Variants in SLC37A1 observed in about 807,000 individuals in gnomAD.
SLC37A1 encodes glucose-6-phosphate exchanger SLC37A1.
In SLC37A1, 49 loss-of-function variants were observed where a neutral mutation model predicts 75.3. The ratio of observed to expected loss-of-function variants is 0.65; its 90% confidence interval spans 0.52 to 0.83. The LOEUF (loss-of-function observed/expected upper bound fraction) is 0.83, where lower values mean the gene tolerates loss of function less well. Among genes scored for constraint, SLC37A1 ranks in the 40% least tolerant of loss-of-function variants. The pLI is 0.00. For missense variants in SLC37A1, 566 were observed against 695.0 expected (o/e 0.81, Z 2.09); for synonymous variants, 268 against 292.1 (o/e 0.92, Z 0.84).
At chr21:42,562,051 G>GAGAC (rs920746363) in intron 11 of SLC37A1, 27 bp from the exon 12 acceptor site, 2 of 1,592,686 alleles carry the variant, frequency 1.3e-6, no homozygotes, top group African/African-American at 2.7e-5. Flanking sequence ...ACATTTGGAG[G>GAGAC]AGACGCCTGA....
intron 13 of SLC37A1, 52 bp from the exon 14 acceptor site, chr21:42,564,656 G>A (rs375113506): frequency 3.3e-5 from 48 of 1,471,238 alleles, no homozygotes; most frequent in African/African-American, 8.3e-5. Flanking sequence ...CTTCCTCCCC[G>A]TGGGCTCATG....
At chr21:42,579,347 C>T (rs1390650531) in intron 18 of SLC37A1, among the ~76,000 whole-genome samples, 1 of 152,218 alleles carries the variant, frequency 6.6e-6, no homozygotes, top group Non-Finnish European at 1.5e-5. Flanking sequence ...CACTGGGCCA[C>T]CCGCATTATG....
chr21:42,525,642 A>G (rs2054770506), intron 2 of SLC37A1, 134 bp from the exon 3 acceptor site: 2 of 642,440 alleles, frequency 3.1e-6, no homozygotes, highest in South Asian at 1.9e-5. Flanking sequence ...ATAGTGACAT[A>G]AGTAATATTG....
chr21:42,544,705 T>C (rs887909527), intron 8 of SLC37A1, among the ~76,000 whole-genome samples: 5 of 152,210 alleles, frequency 3.3e-5, no homozygotes, highest in African/African-American at 1.2e-4. Context: ...TCTGGATCCC[T>C]CCCAGTGGGC....
chr21:42,561,748 T>A (rs1442171745), intron 11 of SLC37A1: 3 of 263,940 alleles, frequency 1.1e-5, no homozygotes, highest in South Asian at 1.1e-4. Flanking sequence ...CAGGGCTTCC[T>A]GTCTTCACTT....
Position 42,543,450 on chromosome 21 carries a change from T to TG in SLC37A1, c.583dup (p.Val195GlyfsTer49). The TG allele has an allele frequency of 6.2e-7, 1 of 1,614,178 alleles. No homozygotes were observed. Among genetic ancestry groups the TG allele is most frequent in the Non-Finnish European group, 8.5e-7 (1 of 1,180,026 alleles). ...TTGTGCTGCAGGAGAGGTTTGATTATGGGGGTCTGGAACTCCCACACCTCC... is the reference window on the plus strand; with the variant it reads ...TTGTGCTGCAGGAGAGGTTTGATTATGGGGGGTCTGGAACTCCCACACCTCC... On this transcript the variant is annotated frameshift_variant, in exon 8 of 20. Coordinates refer to ENST00000352133, the MANE Select transcript of SLC37A1 (RefSeq NM_001320537.2). LOFTEE classifies it high-confidence loss of function.
chr21:42,549,720 C>T (rs1467704582), intron 9 of SLC37A1, among the ~76,000 whole-genome samples: 2 of 152,174 alleles, frequency 1.3e-5, no homozygotes, highest in African/African-American at 4.8e-5. Flanking sequence ...AGTATCTTCC[C>T]TTTATCACAA....
chr21:42,562,654 C>T (rs767628726), intron 12 of SLC37A1, among the ~76,000 whole-genome samples: 1 of 126,772 alleles, frequency 7.9e-6, no homozygotes, highest in Admixed American at 8.3e-5. Flanking sequence ...TATCAGAAAA[C>T]GTGCCAGTGA....
intron 17 of SLC37A1, among the ~76,000 whole-genome samples, chr21:42,571,341 C>G (rs551651855): frequency 8.5e-5 from 13 of 152,222 alleles, no homozygotes; most frequent in Non-Finnish European, 1.6e-4. Flanking sequence ...ACACGGTGTG[C>G]GCCTGGGGCG....
chr21:42,512,516 C>T (rs1364972701), upstream of SLC37A1, among the ~76,000 whole-genome samples: 1 of 152,076 alleles, frequency 6.6e-6, no homozygotes, highest in Non-Finnish European at 1.5e-5. Flanking sequence ...GCTGGGGAGA[C>T]CATTGGAGAG....
chr21:42,550,520 A>G (rs1013608394), intron 9 of SLC37A1, among the ~76,000 whole-genome samples: 10 of 152,254 alleles, frequency 6.6e-5, no homozygotes, highest in African/African-American at 2.2e-4. Context: ...TCTGCCAAAC[A>G]TGGAAAGAAG....
chr21:42,553,330 C>A (rs2055602405), intron 9 of SLC37A1, among the ~76,000 whole-genome samples: 1 of 152,194 alleles, frequency 6.6e-6, no homozygotes, highest in Non-Finnish European at 1.5e-5. Flanking sequence ...CAGACTGATT[C>A]CTTATTTTAA....
chr21:42,564,684 C>T, intron 13 of SLC37A1, 24 bp from the exon 14 acceptor site: 3 of 1,605,106 alleles, frequency 1.9e-6, no homozygotes, highest in Non-Finnish European at 2.6e-6. Flanking sequence ...ACGTCAGTGC[C>T]TGAAGCCCGC....
At chr21:42,531,288 C>T (rs572022248) in intron 3 of SLC37A1, among the ~76,000 whole-genome samples, 2 of 152,154 alleles carry the variant, frequency 1.3e-5, no homozygotes, top group South Asian at 2.1e-4. Context: ...AAGATTGGCA[C>T]CTTTCTTCTC....
At position 42,547,066 on chromosome 21, in the gene SLC37A1, T is replaced by G; in HGVS notation, c.731-37T>G. The G allele has an allele frequency of 6.2e-7, 1 of 1,614,154 alleles. No homozygotes were observed. The highest frequency in any genetic ancestry group is 8.5e-7 in the Non-Finnish European group (1 of 1,179,970). ...AGCTTACTTGGCATTGCCATGGTGG[T>G]GGACCTGCTCAGCCTCACTCATGTT... is the stretch of plus-strand genomic sequence containing the variant. On this transcript the variant is annotated intron_variant, in intron 8 of 19. Transcript: ENST00000352133. This position sits in a 1 kb window ranked among gnomAD's most constrained non-coding sequence, Gnocchi z 6.1.
chr21:42,534,979 CACG>C, intron 4 of SLC37A1, 149 bp downstream of exon 4: 1 of 1,106,300 alleles, frequency 9.0e-7, no homozygotes, highest in Non-Finnish European at 1.3e-6. Flanking sequence ...ACTTCACCGC[CACG>C]GTGTCCACAG....
chr21:42,538,782 C>G (rs542765253), intron 5 of SLC37A1, among the ~76,000 whole-genome samples: 1 of 152,194 alleles, frequency 6.6e-6, no homozygotes, highest in Non-Finnish European at 1.5e-5. Context: ...TTACCACCCC[C>G]CTCGAGGCTG....
In SLC37A1 at chr21:42,548,629, C is replaced by T. The variant is rs1368389090; in HGVS notation, c.768+1489C>T. Among the ~76,000 whole-genome samples, 5 of 152,342 alleles carry T rather than the reference C, an allele frequency of 3.3e-5. No homozygotes were observed. Among genetic ancestry groups the T allele is most frequent in the African/African-American group, 7.2e-5 (3 of 41,574 alleles). Reference sequence around the variant, plus strand: ...GCCACTGCTCATCAGCCTCCTAGAACGATCCACTCTTGCTCCCCAGAATCT... The same window carrying T: ...GCCACTGCTCATCAGCCTCCTAGAATGATCCACTCTTGCTCCCCAGAATCT... On this transcript the variant is annotated intron_variant, in intron 9 of 19. Transcript: ENST00000352133. The surrounding 1 kb of genome is among the most constrained non-coding windows in gnomAD (Gnocchi z 5.6).
At chr21:42,523,664 C>CT (rs1338005420) in intron 2 of SLC37A1, among the ~76,000 whole-genome samples, 6 of 152,210 alleles carry the variant, frequency 3.9e-5, no homozygotes, top group Non-Finnish European at 1.5e-5. Flanking sequence ...TAGGGTTTCG[C>CT]TTTTTTCCCA....
Sources: allele counts gnomAD v4.1 joint callset (sites outside exome capture counted in the v4.1 genomes callset), GRCh38; gene constraint gnomAD v4.1.1; non-coding constraint Gnocchi (gnomAD v3.1); transcripts MANE v1.5; gene names NCBI Gene and HGNC (gene_info 2026-07-23, HGNC 2026-07-21).